The following EPHA5 variants were observed in gnomAD, a reference collection of about 807,000 sequenced individuals.
EPHA5 encodes ephrin type-A receptor 5.
EPHA5 carries 60 observed loss-of-function variants against 105.0 expected under a neutral mutation model. That is an observed-to-expected ratio of 0.57 (90% CI 0.46 to 0.71). The LOEUF (loss-of-function observed/expected upper bound fraction) is 0.71, where lower values mean the gene tolerates loss of function less well. EPHA5 is among the 30% of genes least tolerant of loss of function. EPHA5 has a pLI of 0.00. For missense variants in EPHA5, 1,218 were observed against 1,274.7 expected (o/e 0.96, Z 0.68); for synonymous variants, 513 against 449.1 (o/e 1.14, Z -1.80).
intron 5 of EPHA5, among the ~76,000 whole-genome samples, chr4:65,426,476 G>T (rs1724450046): frequency 6.6e-6 from 1 of 151,740 alleles, no homozygotes; most frequent in Non-Finnish European, 1.5e-5. Context: ...GAAATGATAT[G>T]CTTATTTCTT....
At chr4:65,593,619 C>T (rs901943777) in intron 3 of EPHA5, among the ~76,000 whole-genome samples, 1 of 152,106 alleles carries the variant, frequency 6.6e-6, no homozygotes, top group Admixed American at 6.6e-5. Context: ...TCTAAGTAGG[C>T]AAACATTACT....
At chr4:65,358,218 G>A (rs1439399261) in intron 11 of EPHA5, among the ~76,000 whole-genome samples, 4 of 151,414 alleles carry the variant, frequency 2.6e-5, no homozygotes, top group African/African-American at 9.7e-5. Flanking sequence ...ATTTTTATTT[G>A]CATTCATACC....
intron 2 of EPHA5, among the ~76,000 whole-genome samples, chr4:65,628,931 T>C (rs932650845): frequency 3.3e-5 from 5 of 152,132 alleles, no homozygotes; most frequent in Non-Finnish European, 4.4e-5. Context: ...ATATATATAC[T>C]GTAGAGTAGA....
intron 5 of EPHA5, among the ~76,000 whole-genome samples, chr4:65,458,426 A>G (rs1170334707): frequency 6.6e-6 from 1 of 152,126 alleles, no homozygotes; most frequent in Non-Finnish European, 1.5e-5. Context: ...TTTACTCAAT[A>G]TGTTTCCATA....
At chr4:65,574,535 G>A (rs115564662) in intron 3 of EPHA5, among the ~76,000 whole-genome samples, 109 of 146,334 alleles carry the variant, frequency 7.4e-4, no homozygotes, top group African/African-American at 2.7e-3. Context: ...TAGTCTAAAT[G>A]TCCAATACTG....
At chr4:65,538,521 G>A (rs947750720) in intron 3 of EPHA5, among the ~76,000 whole-genome samples, 10 of 151,614 alleles carry the variant, frequency 6.6e-5, no homozygotes, top group East Asian at 1.9e-4. Flanking sequence ...AAGTCACCCC[G>A]TATGGGAAAG....
At chr4:65,464,340 A>G (rs911887511) in intron 5 of EPHA5, among the ~76,000 whole-genome samples, 1 of 152,050 alleles carries the variant, frequency 6.6e-6, no homozygotes, top group African/African-American at 2.4e-5. Flanking sequence ...CAAAATTTAA[A>G]TAAAACAACA....
chr4:65,470,064 C>T (rs1312706811), intron 5 of EPHA5, among the ~76,000 whole-genome samples: 1 of 152,060 alleles, frequency 6.6e-6, no homozygotes, highest in Admixed American at 6.6e-5. Flanking sequence ...ACAAAATAAA[C>T]AAGAGTTATT....
chr4:65,363,993 C>G (rs1717599632), intron 11 of EPHA5, among the ~76,000 whole-genome samples: 1 of 151,346 alleles, frequency 6.6e-6, no homozygotes, highest in Non-Finnish European at 1.5e-5. Context: ...CCTCTTGATC[C>G]TGCCTCTTGC....
chr4:65,652,124 C>A (rs937963149), intron 1 of EPHA5, among the ~76,000 whole-genome samples: 21 of 152,226 alleles, frequency 1.4e-4, no homozygotes, highest in Admixed American at 1.3e-3. Flanking sequence ...TCACAAAATA[C>A]TTCACATAAA....
intron 16 of EPHA5, among the ~76,000 whole-genome samples, chr4:65,328,458 T>C (rs1211010543): frequency 1.3e-5 from 2 of 151,428 alleles, no homozygotes; most frequent in East Asian, 3.9e-4. Flanking sequence ...TTAATCTATC[T>C]ACAGATGATT....
chr4:65,616,990 C>T (rs1021695540), intron 2 of EPHA5, among the ~76,000 whole-genome samples: 7 of 151,944 alleles, frequency 4.6e-5, no homozygotes, highest in Non-Finnish European at 7.4e-5. Flanking sequence ...TATAGAAAAG[C>T]GATACAGTAA....
At chr4:65,400,482 G>T (rs1443819338) in intron 8 of EPHA5, among the ~76,000 whole-genome samples, 1 of 152,072 alleles carries the variant, frequency 6.6e-6, no homozygotes, top group Non-Finnish European at 1.5e-5. Flanking sequence ...TTCTAAAATT[G>T]TCAAGAATTC....
At chr4:65,367,305 C>A in intron 9 of EPHA5, 52 bp downstream of exon 9, 1 of 1,422,352 alleles carries the variant, frequency 7.0e-7, no homozygotes. Context: ...ACTTAAATAA[C>A]AATAAAGTGT....
chr4:65,553,349 G>C (rs1578407320), intron 3 of EPHA5, among the ~76,000 whole-genome samples: 1 of 152,052 alleles, frequency 6.6e-6, no homozygotes, highest in Admixed American at 6.6e-5. Flanking sequence ...CTTGGAAGAA[G>C]AATGATACCT....
intron 5 of EPHA5, among the ~76,000 whole-genome samples, chr4:65,475,273 G>A (rs1729683267): frequency 6.6e-6 from 1 of 152,134 alleles, no homozygotes; most frequent in African/African-American, 2.4e-5. Flanking sequence ...GTTCAATTGA[G>A]TATAACGAAT....
intron 7 of EPHA5, among the ~76,000 whole-genome samples, chr4:65,413,603 T>C (rs1344714155): frequency 6.6e-6 from 1 of 152,132 alleles, no homozygotes; most frequent in African/African-American, 2.4e-5. Context: ...CACACATATA[T>C]ACTTCTGCCA....
Position 65,602,209 on chromosome 4 carries a change from C to T in EPHA5, c.342G>A (p.Leu114=), listed in dbSNP as rs2149441527. 1.1e-5 allele frequency: 18 copies of T among 1,613,654 alleles called. No homozygotes were observed. The highest frequency in any genetic ancestry group is 1.5e-5 in the Non-Finnish European group (18 of 1,179,962). ...CACCTTCATTGGAGATCCAACTGGT[C>T]AAAAGCCAGTTATTCTGATTCTGTT... ...VMEQNQNNWL[L]TSWISNEGAS... Residue 114 remains leucine (L), a synonymous_variant, in exon 3 of 17, where the codon TTG becomes TTA. Transcript: ENST00000613740.
chr4:65,650,313 C>T (rs549853284), intron 1 of EPHA5, among the ~76,000 whole-genome samples: 15 of 150,760 alleles, frequency 9.9e-5, no homozygotes, highest in Admixed American at 3.3e-4. Flanking sequence ...TTTGGGAGGC[C>T]GAGGCGGGCA....
Sources: gnomAD v4.1 joint callset for allele counts (sites outside exome capture counted in the v4.1 genomes callset) on GRCh38, gnomAD v4.1.1 for gene constraint, MANE v1.5 for transcripts, NCBI Gene and HGNC (gene_info 2026-07-23, HGNC 2026-07-21) for gene names.